The following HCN1 variants were observed in gnomAD, a reference collection of about 807,000 sequenced individuals.
The protein encoded by HCN1 is potassium/sodium hyperpolarization-activated cyclic nucleotide-gated channel 1.
HCN1 carries 13 observed loss-of-function variants against 78.9 expected under a neutral mutation model. That is an observed-to-expected ratio of 0.16 (90% CI 0.11 to 0.26). The LOEUF is 0.26. Among genes scored for constraint, HCN1 ranks in the 10% least tolerant of loss-of-function variants. HCN1 has a pLI of 1.00. For synonymous variants in HCN1, 552 were observed against 455.5 expected (o/e 1.21, Z -2.70); for missense variants, 810 against 1,154.3 (o/e 0.70, Z 4.32).
chr5:45,359,270 A>G (rs1472122282), intron 4 of HCN1, among the ~76,000 whole-genome samples: 1 of 152,014 alleles, frequency 6.6e-6, no homozygotes, highest in Non-Finnish European at 1.5e-5. Context: ...CAAATCACAT[A>G]AATTGAAAAA....
At chr5:45,397,102 A>G (rs1016194499) in intron 3 of HCN1, among the ~76,000 whole-genome samples, 1 of 152,176 alleles carries the variant, frequency 6.6e-6, no homozygotes, top group Non-Finnish European at 1.5e-5. Flanking sequence ...TATGACACAT[A>G]CAGGCCAAAG....
At chr5:45,398,410 C>T (rs1739725538) in intron 3 of HCN1, among the ~76,000 whole-genome samples, 1 of 152,016 alleles carries the variant, frequency 6.6e-6, no homozygotes, top group Non-Finnish European at 1.5e-5. Flanking sequence ...TCATTTATAG[C>T]TCAGTAATTT....
intron 2 of HCN1, among the ~76,000 whole-genome samples, chr5:45,521,538 C>T (rs1742614796): frequency 6.6e-6 from 1 of 151,790 alleles, no homozygotes; most frequent in African/African-American, 2.4e-5. Flanking sequence ...TATCATCTTC[C>T]CTTCTTTCAT....
At chr5:45,431,393 C>A (rs926935700) in intron 3 of HCN1, among the ~76,000 whole-genome samples, 2 of 152,022 alleles carry the variant, frequency 1.3e-5, no homozygotes, top group African/African-American at 4.8e-5. Context: ...TGTCTGTTTA[C>A]TCTGTTGATA....
Position 45,261,870 on chromosome 5 carries a change from A to G in HCN1, c.*51T>C, listed in dbSNP as rs762384995. 6.2e-7 allele frequency: 1 copy of G among 1,606,986 alleles called. No individual in the cohort carries two copies. The highest frequency in any genetic ancestry group is 1.3e-5 in the African/African-American group (1 of 74,816). ...AGATAGAATAAAATAAGATCTGAGT[A>G]TAGTCTCAGTTTATGAGAGTATTTC... On this transcript the variant is annotated 3_prime_UTR_variant, in exon 8 of 8. Transcript: ENST00000303230.
intron 6 of HCN1, among the ~76,000 whole-genome samples, chr5:45,295,085 C>G (rs574601109): frequency 6.6e-6 from 1 of 151,954 alleles, no homozygotes; most frequent in African/African-American, 2.4e-5. Context: ...CTTGAGCACC[C>G]CAACACTCAC....
chr5:45,668,982 G>T (rs1746101849), intron 1 of HCN1, among the ~76,000 whole-genome samples: 1 of 151,804 alleles, frequency 6.6e-6, no homozygotes, highest in Non-Finnish European at 1.5e-5. Context: ...AGATTAGAAT[G>T]AATGTAGAAG....
intron 5 of HCN1, among the ~76,000 whole-genome samples, chr5:45,343,637 T>C (rs1179923077): frequency 1.3e-5 from 2 of 152,130 alleles, no homozygotes; most frequent in African/African-American, 2.4e-5. Flanking sequence ...GGTTTAATGA[T>C]GGAAGAAAAA....
chr5:45,628,985 T>TA (rs201496606), intron 2 of HCN1, among the ~76,000 whole-genome samples: 10,702 of 117,646 alleles, frequency 0.091, 487 homozygotes, highest in East Asian at 0.17. Flanking sequence ...AAATAAAAAA[T>TA]AAAAAAAAAA....
chr5:45,459,897 T>A (rs1741111354), intron 3 of HCN1, among the ~76,000 whole-genome samples: 1 of 152,114 alleles, frequency 6.6e-6, no homozygotes, highest in East Asian at 1.9e-4. Context: ...CAATTATTAC[T>A]ATTTTTACCA....
intron 5 of HCN1, among the ~76,000 whole-genome samples, chr5:45,317,404 AC>A (rs1746017561): frequency 6.6e-6 from 1 of 152,240 alleles, no homozygotes; most frequent in Non-Finnish European, 1.5e-5. Flanking sequence ...TACACCTTAT[AC>A]AAAAATTATA....
intron 5 of HCN1, among the ~76,000 whole-genome samples, chr5:45,338,595 C>A (rs969340907): frequency 2.7e-5 from 4 of 150,754 alleles, no homozygotes; most frequent in African/African-American, 9.9e-5. Context: ...CTTCTATGTG[C>A]CAGGCACTTT....
At position 45,468,854 on chromosome 5, in the gene HCN1, G is replaced by C. The variant is rs556433540; in HGVS notation, c.850-6847C>G. ...CACAATGCCTGGTGGCACAGAGCTC[G>C]TGCTCAACAAATGTTTTTCCTCCTA... On this transcript the variant is annotated intron_variant, in intron 2 of 7. Coordinates refer to ENST00000303230, the MANE Select transcript of HCN1 (RefSeq NM_021072.4). Among the ~76,000 whole-genome samples, 3 of 152,154 alleles carry C rather than the reference G, an allele frequency of 2.0e-5. No individual in the cohort carries two copies. In the East Asian group the frequency reaches 5.8e-4, roughly 29 times the overall value.
At chr5:45,582,762 C>A (rs1399921888) in intron 2 of HCN1, among the ~76,000 whole-genome samples, 2 of 152,172 alleles carry the variant, frequency 1.3e-5, no homozygotes, top group Non-Finnish European at 2.9e-5. Context: ...GCCTTTTCTG[C>A]ATCTATTGAG....
At chr5:45,483,582 T>C (rs1741698366) in intron 2 of HCN1, among the ~76,000 whole-genome samples, 1 of 152,150 alleles carries the variant, frequency 6.6e-6, no homozygotes, top group Admixed American at 6.5e-5. Context: ...TCTGTTTACT[T>C]TGTTGACGGC....
chr5:45,483,427 T>C (rs1168379526), intron 2 of HCN1, among the ~76,000 whole-genome samples: 1 of 152,182 alleles, frequency 6.6e-6, no homozygotes, highest in Non-Finnish European at 1.5e-5. Context: ...ACATCTTCTT[T>C]TGAGAAGTTC....
chr5:45,310,558 C>T (rs939178882), intron 5 of HCN1, among the ~76,000 whole-genome samples: 1 of 152,108 alleles, frequency 6.6e-6, no homozygotes, highest in African/African-American at 2.4e-5. Context: ...CGTTTATACA[C>T]CCTTGATGGG....
At chr5:45,298,157 G>A (rs952157915) in intron 6 of HCN1, among the ~76,000 whole-genome samples, 53 of 152,108 alleles carry the variant, frequency 3.5e-4, no homozygotes, top group African/African-American at 1.2e-3. Flanking sequence ...TTTATGAGTT[G>A]ACTGGCTCAT....
In HCN1 at chr5:45,353,138, C is replaced by G; in HGVS notation, c.1339G>C (p.Glu447Gln). 1.2e-6 allele frequency: 2 copies of G among 1,611,556 alleles called. No homozygotes were observed. Among genetic ancestry groups the G allele is most frequent in the Non-Finnish European group, 1.7e-6 (2 of 1,178,500 alleles). The stretch of plus-strand genomic sequence containing the variant: ...TCATTGAGTTCATTGAGAATATTTT[C>G]CTCATCAAAGATTTTGCCTTGGTAT... The part of the protein sequence containing the change: ...HRYQGKIFDE[E>Q]NILNELNDPL... The change falls in exon 5 of 8, where the codon GAA (glutamate) becomes CAA (glutamine). Residue 447 changes from glutamate (E) to glutamine (Q), a missense_variant. By Grantham distance (29) the Glu-to-Gln change is conservative (BLOSUM62 2). Around this residue, in one of 6 missense-constraint regions of HCN1, gnomAD observed 100 missense variants for 126.8 expected, o/e 0.79. Transcript: ENST00000303230.
Sources: allele counts gnomAD v4.1 joint callset (sites outside exome capture counted in the v4.1 genomes callset), GRCh38; gene constraint gnomAD v4.1.1; regional missense constraint gnomAD v4.1.1; transcripts MANE v1.5; gene names NCBI Gene and HGNC (gene_info 2026-07-23, HGNC 2026-07-21).